Variants in PSIP1 observed in about 807,000 individuals in gnomAD.
PSIP1 encodes PC4 and SFRS1-interacting protein.
Under a neutral mutation model 74.7 loss-of-function variants are expected in PSIP1, and 19 were observed. That is an observed-to-expected ratio of 0.25 (90% CI 0.18 to 0.37). The LOEUF (loss-of-function observed/expected upper bound fraction) is 0.37. Ranked by LOEUF, PSIP1 falls within the 10% of genes least tolerant of loss-of-function variation. The pLI, the probability that PSIP1 is intolerant of heterozygous loss-of-function variation, is 1.00. For missense variants in PSIP1, 601 were observed against 614.3 expected (o/e 0.98, Z 0.23); for synonymous variants, 222 against 195.3 (o/e 1.14, Z -1.14).
intron 6 of PSIP1, among the ~76,000 whole-genome samples, chr9:15,482,523 C>T (rs965422787): frequency 3.3e-5 from 5 of 152,134 alleles, no homozygotes; most frequent in African/African-American, 1.2e-4. Context: ...AAGAAATTTT[C>T]AGAGCCTCCT....
In PSIP1 at chr9:15,466,785, C is replaced by T. The variant is rs200651194; in HGVS notation, c.1495G>A (p.Asp499Asn). ...CTGGCTTCATGGTTGTCTTTGCTGT[C>T]TTCATTGCTCTCCCCGTTATGTTGT... ...QPQHNGESNE[D>N]SKDNHEASTK... The change falls in exon 15 of 16, where the codon GAC (aspartate) becomes AAC (asparagine). Residue 499 changes from aspartate to asparagine, a missense_variant. By Grantham distance (23) the Asp-to-Asn change is conservative. Transcript: ENST00000380733. The T allele has an allele frequency of 3.7e-6, 6 of 1,613,418 alleles. No homozygotes were observed. The African/African-American group carries it at 8.0e-5, about 22-fold the overall frequency.
chr9:15,501,033 G>T (rs895937830), intron 3 of PSIP1, among the ~76,000 whole-genome samples: 10 of 152,084 alleles, frequency 6.6e-5, no homozygotes, highest in Non-Finnish European at 1.3e-4. Context: ...ATTGTTCTAA[G>T]CATTATTCAT....
At position 15,486,913 on chromosome 9, in the gene PSIP1, T is replaced by C. The variant is rs757061812; in HGVS notation, c.307A>G (p.Asn103Asp). 8.1e-6 allele frequency: 13 copies of C among 1,610,076 alleles called. No homozygotes were observed. The East Asian group carries it at 1.1e-4, about 14-fold the overall frequency. ...TCAACTTCAACATCAGATGATGCAT[T>C]TGATTGTTTAGTTGCTGCCTGTGAG... ...SSQQAATKQS[N>D]ASSDVEVEEK... Residue 103 changes from asparagine to aspartate, a missense_variant, in exon 5 of 16, where the codon AAT becomes GAT. Coordinates refer to ENST00000380733, the MANE Select transcript of PSIP1 (RefSeq NM_033222.5).
intron 11 of PSIP1, 147 bp from the exon 12 acceptor site, chr9:15,469,483 C>T: frequency 1.8e-6 from 1 of 558,862 alleles, no homozygotes; most frequent in African/African-American, 1.9e-5. Context: ...TGCACAATAG[C>T]TTAACTAAGA....
At chr9:15,510,021 A>G in intron 2 of PSIP1, 96 bp downstream of exon 2, 2 of 1,263,292 alleles carry the variant, frequency 1.6e-6, no homozygotes, top group Non-Finnish European at 2.2e-6. Flanking sequence ...AGCGAGGGAG[A>G]GAAAGGACAG....
intron 3 of PSIP1, among the ~76,000 whole-genome samples, chr9:15,504,199 TTTAAAG>T (rs771274751): frequency 1.3e-5 from 2 of 152,198 alleles, no homozygotes; most frequent in African/African-American, 2.4e-5. Context: ...TCAGCTTAAC[TTTAAAG>T]TTAAATTCAT....
At chr9:15,472,502 T>G in intron 10 of PSIP1, 130 bp downstream of exon 10, 1 of 1,430,820 alleles carries the variant, frequency 7.0e-7, no homozygotes, top group Non-Finnish European at 9.1e-7. Context: ...ATTGAAGATT[T>G]TTCTAACACA....
In PSIP1 at chr9:15,474,312, TTTTAA is replaced by T. The variant is rs1443230336; in HGVS notation, c.630-80_630-76del. ...ATTTTAGATATCAGTAAGCTATAAT[TTTTAA>T]TTTAAAGGCAAATCTAAAACAAAGT... is the stretch of plus-strand genomic sequence containing the variant. On this transcript the variant is annotated intron_variant, in intron 8 of 15. Transcript: ENST00000380733. 1.5e-5 allele frequency: 20 copies of T among 1,319,858 alleles called. No homozygotes were observed. In the African/African-American group the frequency reaches 2.1e-4, roughly 14 times the overall value. 81.8% of individuals were successfully genotyped at this position (1,319,858 alleles called of 1,614,324 possible). A position where few individuals can be genotyped will look rare whatever the true frequency, so the allele number is the denominator to read the frequency against.
rs2037622353 is a variant in PSIP1 at position 15,507,010 on chromosome 9, T to C, written c.73-373A>G. Among the ~76,000 whole-genome samples, 3 of 152,238 alleles carry C rather than the reference T, an allele frequency of 2.0e-5. No individual in the cohort carries two copies. In the South Asian group the frequency reaches 6.2e-4, roughly 31 times the overall value. The stretch of plus-strand genomic sequence containing the variant: ...TCCCAGAATTCTGAATTGTTAATCA[T>C]ATCATTTCAGGTAAGGAGTCTGAAC... On this transcript the variant is annotated intron_variant, in intron 2 of 15. Transcript: ENST00000380733.
intron 10 of PSIP1, chr9:15,471,495 A>G (rs2035828950): frequency 2.1e-5 from 20 of 972,196 alleles, no homozygotes; most frequent in African/African-American, 3.5e-5. Flanking sequence ...TAATTTTGAG[A>G]TCACAATAAA....
chr9:15,506,274 A>C (rs1172748679), intron 3 of PSIP1: 2 of 272,082 alleles, frequency 7.4e-6, no homozygotes, highest in Non-Finnish European at 1.4e-5. Context: ...TAGGAATATC[A>C]GATCACTTAT....
chr9:15,501,751 C>T (rs1251815993), intron 3 of PSIP1, among the ~76,000 whole-genome samples: 1 of 150,960 alleles, frequency 6.6e-6, no homozygotes. Flanking sequence ...GACAGTTGTA[C>T]CTCCGTATCC....
chr9:15,485,806 C>A (rs1333602599), intron 6 of PSIP1, 200 bp downstream of exon 6: 2 of 425,406 alleles, frequency 4.7e-6, no homozygotes, highest in Non-Finnish European at 4.1e-6. Flanking sequence ...ATTTCCTTTA[C>A]CACTCAAGTT....
At chr9:15,510,020 GAGA>G (rs2037780855) in intron 2 of PSIP1, 94 bp downstream of exon 2, 1 of 1,251,942 alleles carries the variant, frequency 8.0e-7, no homozygotes. Flanking sequence ...AAGCGAGGGA[GAGA>G]AAGGACAGAA....
intron 2 of PSIP1, 140 bp from the exon 3 acceptor site, chr9:15,506,777 A>C (rs2037609727): frequency 1.0e-5 from 6 of 600,332 alleles, no homozygotes; most frequent in Non-Finnish European, 1.6e-5. Flanking sequence ...TCCTATCCCC[A>C]AATCTGAAAC....
intron 10 of PSIP1, 122 bp downstream of exon 10, chr9:15,472,510 A>G (rs2035882500): frequency 6.9e-7 from 1 of 1,444,310 alleles, no homozygotes; most frequent in East Asian, 2.6e-5. Context: ...TTTTTCTAAC[A>G]CATGGGAAAA....
At chr9:15,472,336 A>AC (rs1407111788) in intron 10 of PSIP1, 13 of 1,154,526 alleles carry the variant, frequency 1.1e-5, no homozygotes, top group African/African-American at 1.6e-5. Flanking sequence ...TTATACAAAC[A>AC]AATGGTTGAG....
intron 9 of PSIP1, 84 bp downstream of exon 9, chr9:15,473,925 A>C (rs999681737): frequency 8.4e-5 from 67 of 794,840 alleles, no homozygotes; most frequent in South Asian, 2.0e-4. Context: ...CAAAAAAAAA[A>C]ACAAAAAAAA....
intron 3 of PSIP1, among the ~76,000 whole-genome samples, chr9:15,499,153 G>A (rs753184003): frequency 2.6e-4 from 39 of 152,120 alleles, no homozygotes; most frequent in Non-Finnish European, 5.6e-4. Context: ...AAACAGCAGA[G>A]TCTCAACTTG....
Sources: allele counts gnomAD v4.1 joint callset (sites outside exome capture counted in the v4.1 genomes callset), GRCh38; gene constraint gnomAD v4.1.1; transcripts MANE v1.5; gene names NCBI Gene and HGNC (gene_info 2026-07-23, HGNC 2026-07-21).